PCDH15: variants seen among roughly 807,000 people sequenced by gnomAD.
PCDH15 encodes protocadherin-15.
PCDH15 carries 129 observed loss-of-function variants against 178.5 expected under a neutral mutation model. The observed-to-expected ratio is 0.72, with a 90% CI of 0.63 to 0.84. PCDH15 has a LOEUF of 0.84. Among genes scored for constraint, PCDH15 ranks in the 40% least tolerant of loss-of-function variants. The pLI, the probability that PCDH15 is intolerant of heterozygous loss-of-function variation, is 0.00. For missense variants in PCDH15, 2,230 were observed against 2,099.9 expected (o/e 1.06, Z -1.21); for synonymous variants, 800 against 732.0 (o/e 1.09, Z -1.50).
At chr10:54,834,354 T>C (rs1214041179) in intron 3 of PCDH15, among the ~76,000 whole-genome samples, 1 of 151,990 alleles carries the variant, frequency 6.6e-6, no homozygotes, top group Non-Finnish European at 1.5e-5. Flanking sequence ...AATTTTTGTA[T>C]TTTTAGTAGA....
intron 25 of PCDH15, among the ~76,000 whole-genome samples, chr10:53,912,377 C>G (rs1564750188): frequency 6.6e-6 from 1 of 152,092 alleles, no homozygotes; most frequent in Non-Finnish European, 1.5e-5. Context: ...CCTTTGAAAA[C>G]TGGCACAAGA....
intron 2 of PCDH15, among the ~76,000 whole-genome samples, chr10:55,002,189 C>T (rs543534612): frequency 1.4e-4 from 21 of 151,224 alleles, no homozygotes; most frequent in East Asian, 1.9e-4. Context: ...GTCCTTGTTT[C>T]GCTGCATAGT....
At chr10:54,848,112 C>T (rs1039144067) in intron 3 of PCDH15, among the ~76,000 whole-genome samples, 5 of 152,154 alleles carry the variant, frequency 3.3e-5, no homozygotes, top group African/African-American at 1.2e-4. Flanking sequence ...AGTGCATTGG[C>T]TCATGCCTGT....
intron 13 of PCDH15, among the ~76,000 whole-genome samples, chr10:54,181,764 C>T (rs2048004144): frequency 2.0e-5 from 3 of 152,076 alleles, no homozygotes; most frequent in East Asian, 3.9e-4. Context: ...CAGTTTGAAA[C>T]GTTTTTTCTC....
At chr10:55,065,566 T>A (rs751755612) in intron 2 of PCDH15, among the ~76,000 whole-genome samples, 5 of 152,070 alleles carry the variant, frequency 3.3e-5, no homozygotes, top group African/African-American at 4.8e-5. Flanking sequence ...TTAACTGTTT[T>A]ACCACTCTAT....
At chr10:54,598,241 A>C (rs998953110) in intron 2 of PCDH15, among the ~76,000 whole-genome samples, 1 of 151,958 alleles carries the variant, frequency 6.6e-6, no homozygotes, top group Admixed American at 6.6e-5. Flanking sequence ...ACAAAATACT[A>C]CCCAGCTGAA....
At chr10:55,104,851 C>G (rs1234836807) in intron 2 of PCDH15, among the ~76,000 whole-genome samples, 1 of 152,132 alleles carries the variant, frequency 6.6e-6, no homozygotes, top group Non-Finnish European at 1.5e-5. Context: ...ACATGATGAA[C>G]AATATGCAAG....
chr10:55,361,222 G>A (rs1302941001), intron 2 of PCDH15, among the ~76,000 whole-genome samples: 1 of 151,968 alleles, frequency 6.6e-6, no homozygotes, highest in Admixed American at 6.6e-5. Context: ...ATTAGATACA[G>A]CCCAAGTATG....
chr10:54,298,183 TA>T, intron 8 of PCDH15, among the ~76,000 whole-genome samples: 1 of 152,184 alleles, frequency 6.6e-6, no homozygotes, highest in Middle Eastern at 3.4e-3. Context: ...TGGGAGGCCT[TA>T]AGGAAATACA....
chr10:55,481,117 T>C (rs970694722), intron 2 of PCDH15, among the ~76,000 whole-genome samples: 10 of 151,972 alleles, frequency 6.6e-5, no homozygotes, highest in African/African-American at 2.4e-4. Context: ...TTCTATTTTA[T>C]GTGCATAGAA....
intron 2 of PCDH15, among the ~76,000 whole-genome samples, chr10:54,973,510 C>A (rs1410656489): frequency 2.0e-5 from 3 of 152,174 alleles, no homozygotes; most frequent in African/African-American, 7.2e-5. Flanking sequence ...GCTTTGGAAT[C>A]TTTATTTTTG....
intron 8 of PCDH15, among the ~76,000 whole-genome samples, chr10:54,307,038 GTGTA>G (rs2060531673): frequency 1.2e-4 from 3 of 24,824 alleles, no homozygotes; most frequent in East Asian, 9.8e-4. Context: ...ATGTGTGTGT[GTGTA>G]TATATATATA....
At chr10:53,941,068 T>C in intron 23 of PCDH15, 93 bp from the exon 24 acceptor site, 1 of 847,108 alleles carries the variant, frequency 1.2e-6, no homozygotes, top group South Asian at 1.5e-5. Context: ...AGATAAGAGA[T>C]TTCTGATATA....
chr10:54,672,206 T>C (rs913528479), intron 1 of PCDH15, among the ~76,000 whole-genome samples: 29 of 151,490 alleles, frequency 1.9e-4, no homozygotes, highest in Admixed American at 2.6e-4. Context: ...TGTATGATTA[T>C]ATCATTATAT....
intron 8 of PCDH15, 21 bp from the exon 9 acceptor site, chr10:54,236,952 GT>G (rs2054693296): frequency 6.4e-7 from 1 of 1,568,010 alleles, no homozygotes; most frequent in African/African-American, 1.4e-5. Context: ...AATTAAGAGA[GT>G]TTCATTCAGC....
At chr10:54,016,072 C>A (rs759280793) in intron 20 of PCDH15, among the ~76,000 whole-genome samples, 4 of 151,894 alleles carry the variant, frequency 2.6e-5, no homozygotes, top group Non-Finnish European at 4.4e-5. Context: ...AATCAACAAG[C>A]AAAAAGCAAA....
chr10:54,488,954 A>G (rs983415287), intron 3 of PCDH15, among the ~76,000 whole-genome samples: 1 of 152,034 alleles, frequency 6.6e-6, no homozygotes. Flanking sequence ...AACAGCGCAA[A>G]ATTAGACTAT....
chr10:54,260,580 T>G (rs756804310), intron 8 of PCDH15, among the ~76,000 whole-genome samples: 7 of 152,102 alleles, frequency 4.6e-5, no homozygotes, highest in Non-Finnish European at 1.0e-4. Flanking sequence ...TTTATGCTTT[T>G]ATGTTTCTTT....
intron 2 of PCDH15, among the ~76,000 whole-genome samples, chr10:54,579,230 A>G (rs886260172): frequency 1.1e-4 from 17 of 152,124 alleles, no homozygotes; most frequent in African/African-American, 3.6e-4. Flanking sequence ...AGACTCATCC[A>G]TCTGCTGTCT....
Sources: gnomAD v4.1 joint callset for allele counts (sites outside exome capture counted in the v4.1 genomes callset) on GRCh38, gnomAD v4.1.1 for gene constraint, MANE v1.5 for transcripts, NCBI Gene and HGNC (gene_info 2026-07-23, HGNC 2026-07-21) for gene names.